CNTN5: variants seen among roughly 807,000 people sequenced by gnomAD.
The protein encoded by CNTN5 is contactin-5.
Under a neutral mutation model 129.1 loss-of-function variants are expected in CNTN5, and 77 were observed. That is an observed-to-expected ratio of 0.60 (90% CI 0.50 to 0.72). The LOEUF (loss-of-function observed/expected upper bound fraction) is 0.72, where lower values mean the gene tolerates loss of function less well. Ranked by LOEUF, CNTN5 falls within the 30% of genes least tolerant of loss-of-function variation. CNTN5 has a pLI of 0.00. For missense variants in CNTN5, 1,478 were observed against 1,328.8 expected (o/e 1.11, Z -1.75); for synonymous variants, 509 against 465.6 (o/e 1.09, Z -1.20).
chr11:99,337,582 G>A (rs1357864369), intron 2 of CNTN5, among the ~76,000 whole-genome samples: 1 of 152,160 alleles, frequency 6.6e-6, no homozygotes, highest in Non-Finnish European at 1.5e-5. Context: ...CGGACCAGGT[G>A]TTCCTTGCCC....
At chr11:99,832,191 A>G (rs1407280297) in intron 4 of CNTN5, among the ~76,000 whole-genome samples, 1 of 152,220 alleles carries the variant, frequency 6.6e-6, no homozygotes, top group Non-Finnish European at 1.5e-5. Context: ...TCTAAAAAAA[A>G]ATCAAGTAAT....
chr11:99,933,896 T>C (rs1950245709), intron 7 of CNTN5, among the ~76,000 whole-genome samples: 1 of 152,112 alleles, frequency 6.6e-6, no homozygotes, highest in Non-Finnish European at 1.5e-5. Context: ...AGTGAAGAGG[T>C]ATATGTCTTT....
At chr11:99,722,405 T>C (rs1256920013) in intron 3 of CNTN5, among the ~76,000 whole-genome samples, 1 of 152,102 alleles carries the variant, frequency 6.6e-6, no homozygotes, top group Non-Finnish European at 1.5e-5. Context: ...CCACTTGTTC[T>C]CACTTGTGAG....
intron 13 of CNTN5, among the ~76,000 whole-genome samples, chr11:100,140,556 G>A (rs1226193097): frequency 1.3e-5 from 2 of 152,032 alleles, no homozygotes; most frequent in African/African-American, 4.8e-5. Context: ...TTCAAGAGTA[G>A]GATATTTGCA....
intron 13 of CNTN5, among the ~76,000 whole-genome samples, chr11:100,085,141 A>C (rs371610398): frequency 6.6e-6 from 1 of 152,048 alleles, no homozygotes; most frequent in African/African-American, 2.4e-5. Context: ...AACCAGTGAG[A>C]AATTCTGTCT....
intron 1 of CNTN5, among the ~76,000 whole-genome samples, chr11:99,243,878 T>G (rs1861688043): frequency 6.6e-6 from 1 of 151,958 alleles, no homozygotes; most frequent in African/African-American, 2.4e-5. Flanking sequence ...CTTTACAGTA[T>G]TCTTTGAAAT....
chr11:100,318,419 A>G (rs897782481), intron 21 of CNTN5, among the ~76,000 whole-genome samples: 1 of 152,150 alleles, frequency 6.6e-6, no homozygotes, highest in Admixed American at 6.5e-5. Context: ...CAAGCAGAGC[A>G]TCCACGCAAA....
chr11:100,305,623 C>G (rs1951330471), intron 20 of CNTN5, among the ~76,000 whole-genome samples: 1 of 151,650 alleles, frequency 6.6e-6, no homozygotes, highest in Non-Finnish European at 1.5e-5. Context: ...CATTCAGTTA[C>G]AATGGGATGC....
At chr11:99,555,837 C>T (rs1190162391) in intron 2 of CNTN5, among the ~76,000 whole-genome samples, 1 of 151,800 alleles carries the variant, frequency 6.6e-6, no homozygotes, top group East Asian at 1.9e-4. Context: ...ATAAATATAG[C>T]TATTACACAT....
intron 2 of CNTN5, among the ~76,000 whole-genome samples, chr11:99,494,963 T>TA (rs1329731219): frequency 6.6e-6 from 1 of 152,198 alleles, no homozygotes; most frequent in East Asian, 1.9e-4. Flanking sequence ...GGTGCAAAGG[T>TA]AGTCATTTTC....
rs187685884 is a variant in CNTN5 at position 99,179,403 on chromosome 11, C to T, written c.-209-145943C>T. Among the ~76,000 whole-genome samples the T allele has an allele frequency of 2.0e-5, 3 of 152,148 alleles. No homozygotes were observed. The East Asian group carries it at 5.8e-4, about 30-fold the overall frequency. ...GTTACAGTGAGCCAAGATCGTGCCACTGCACTCCAGCCTGAGCGATAAAGC... is the reference window on the plus strand; with the variant it reads ...GTTACAGTGAGCCAAGATCGTGCCATTGCACTCCAGCCTGAGCGATAAAGC... On this transcript the variant is annotated intron_variant, in intron 1 of 24. Transcript: ENST00000524871.
At chr11:99,396,519 A>T (rs981765516) in intron 2 of CNTN5, among the ~76,000 whole-genome samples, 1 of 151,754 alleles carries the variant, frequency 6.6e-6, no homozygotes, top group South Asian at 2.1e-4. Flanking sequence ...TAAATATAGT[A>T]CTTGCCTTTT....
intron 2 of CNTN5, among the ~76,000 whole-genome samples, chr11:99,343,330 G>A (rs1216471545): frequency 6.6e-6 from 1 of 152,186 alleles, no homozygotes; most frequent in Non-Finnish European, 1.5e-5. Context: ...ATAGCCTGTG[G>A]ACCAAGACTA....
At chr11:99,024,997 C>T (rs1218144176) in intron 1 of CNTN5, among the ~76,000 whole-genome samples, 2 of 151,836 alleles carry the variant, frequency 1.3e-5, no homozygotes, top group African/African-American at 4.8e-5. Context: ...TGTTTTTTCT[C>T]TTTTTCTAAG....
chr11:99,362,496 TTATC>T (rs1939179940), intron 2 of CNTN5, among the ~76,000 whole-genome samples: 1 of 152,004 alleles, frequency 6.6e-6, no homozygotes, highest in African/African-American at 2.4e-5. Flanking sequence ...AAAAAACAAT[TTATC>T]TATTTTTTTT....
At chr11:100,147,967 T>A (rs1157014435) in intron 13 of CNTN5, among the ~76,000 whole-genome samples, 1 of 152,164 alleles carries the variant, frequency 6.6e-6, no homozygotes, top group Non-Finnish European at 1.5e-5. Context: ...TTTAAAAATA[T>A]TTTAAATTAA....
At chr11:99,135,774 A>G (rs1859191113) in intron 1 of CNTN5, among the ~76,000 whole-genome samples, 1 of 152,112 alleles carries the variant, frequency 6.6e-6, no homozygotes. Flanking sequence ...TACCAATTAT[A>G]TGTTGCATAT....
chr11:99,466,224 C>T lies in CNTN5; in HGVS notation c.-70-89921C>T, dbSNP rs534365080. ...ACCATATCACATGAGAACTCACTCACTTCTACGAGAACAGCAAGGGGGAAA... is the reference window on the plus strand; with the variant it reads ...ACCATATCACATGAGAACTCACTCATTTCTACGAGAACAGCAAGGGGGAAA... On this transcript the variant is annotated intron_variant, in intron 2 of 24. Transcript: ENST00000524871. Among the ~76,000 whole-genome samples the T allele has an allele frequency of 1.7e-3, 258 of 152,146 alleles. 1 individual carries two copies. Among genetic ancestry groups the T allele is most frequent in the African/African-American group, 5.5e-3 (227 of 41,528 alleles).
At chr11:100,032,375 T>G (rs936380343) in intron 9 of CNTN5, among the ~76,000 whole-genome samples, 2 of 152,138 alleles carry the variant, frequency 1.3e-5, no homozygotes, top group African/African-American at 2.4e-5. Context: ...TTCAATCCTA[T>G]TCTTCAATCC....
Sources: gnomAD v4.1 joint callset for allele counts (sites outside exome capture counted in the v4.1 genomes callset) on GRCh38, gnomAD v4.1.1 for gene constraint, MANE v1.5 for transcripts, NCBI Gene and HGNC (gene_info 2026-07-23, HGNC 2026-07-21) for gene names.